The following NHSL1 variants were observed in gnomAD, a reference collection of about 807,000 sequenced individuals.
NHSL1 encodes the protein NHS-like protein 1.
Under a neutral mutation model 95.0 loss-of-function variants are expected in NHSL1, and 48 were observed. That is an observed-to-expected ratio of 0.51 (90% CI 0.40 to 0.64). The LOEUF is 0.64. Among genes scored for constraint, NHSL1 ranks in the 30% least tolerant of loss-of-function variants. The probability of loss-of-function intolerance (pLI) is 0.00; values close to 1 mark genes in which losing one functional copy is unlikely to be tolerated. For synonymous variants in NHSL1, 783 were observed against 833.9 expected (o/e 0.94, Z 1.05); for missense variants, 1,971 against 2,077.7 (o/e 0.95, Z 1.00).
rs768841323 is a variant in NHSL1, at chr6:138,660,210, T to C, written c.96+32266A>G. Among the ~76,000 whole-genome samples, 117 of 152,334 alleles carry C rather than the reference T, an allele frequency of 7.7e-4. 3 individuals carry two copies. Among genetic ancestry groups the C allele is most frequent in the Admixed American group, 8.5e-4 (13 of 15,306 alleles). ...TACGTAGTTCCTTTTCTCAGTAGCA[T>C]ACCCAGTATCAGCACTGCTTTTAAA... is the stretch of plus-strand genomic sequence containing the variant. On this transcript the variant is annotated intron_variant, in intron 1 of 3. Transcript: ENST00000491526.
intron 1 of NHSL1, among the ~76,000 whole-genome samples, chr6:138,588,126 C>A (rs1424849623): frequency 1.3e-5 from 2 of 152,238 alleles, no homozygotes; most frequent in African/African-American, 4.8e-5. Context: ...GCTTGGTCAT[C>A]AGCAAAGTTG....
At chr6:138,601,058 T>C (rs868608809) in intron 1 of NHSL1, among the ~76,000 whole-genome samples, 2 of 152,230 alleles carry the variant, frequency 1.3e-5, no homozygotes, top group South Asian at 4.1e-4. Flanking sequence ...CTTCATTTAC[T>C]TTTTAAGGTA....
chr6:138,641,528 C>G (rs1784958989), intron 1 of NHSL1, among the ~76,000 whole-genome samples: 1 of 148,598 alleles, frequency 6.7e-6, no homozygotes, highest in South Asian at 2.1e-4. Flanking sequence ...GAGGCTGATG[C>G]AGGAGAATCG....
At chr6:138,512,756 C>T (rs373221353) in intron 1 of NHSL1, among the ~76,000 whole-genome samples, 4 of 152,152 alleles carry the variant, frequency 2.6e-5, no homozygotes, top group Non-Finnish European at 5.9e-5. Context: ...GGGCAGACGA[C>T]CGCTTTCAGC....
At chr6:138,683,729 G>A (rs1161744234) in intron 1 of NHSL1, among the ~76,000 whole-genome samples, 1 of 152,210 alleles carries the variant, frequency 6.6e-6, no homozygotes. Flanking sequence ...GCCCTGGCCT[G>A]GTTCAAAGCC....
At chr6:138,500,833 C>T (rs546302652), upstream of NHSL1, among the ~76,000 whole-genome samples, 120 of 151,208 alleles carry the variant, frequency 7.9e-4, 2 homozygotes, top group Admixed American at 5.4e-3. Flanking sequence ...CACATAGAAA[C>T]GTTACCATCT....
At chr6:138,610,474 G>A (rs1784495287) in intron 1 of NHSL1, among the ~76,000 whole-genome samples, 2 of 151,070 alleles carry the variant, frequency 1.3e-5, no homozygotes, top group Admixed American at 6.6e-5. Context: ...CACCAACATG[G>A]CACATGTATA....
upstream of NHSL1, among the ~76,000 whole-genome samples, chr6:138,546,340 C>T (rs1782792715): frequency 1.3e-5 from 2 of 148,338 alleles, no homozygotes; most frequent in Admixed American, 1.4e-4. Context: ...CCTATAATCC[C>T]AGAACTTTGG....
chr6:138,461,507 G>A (rs1777994368), intron 3 of NHSL1, among the ~76,000 whole-genome samples: 1 of 150,518 alleles, frequency 6.6e-6, no homozygotes, highest in Non-Finnish European at 1.5e-5. Context: ...AGTATTCTTA[G>A]AAGAAAAGAA....
intron 1 of NHSL1, among the ~76,000 whole-genome samples, chr6:138,640,625 G>A (rs112328522): frequency 7.2e-5 from 11 of 152,152 alleles, no homozygotes; most frequent in African/African-American, 2.4e-4. Flanking sequence ...TTTCCTTACT[G>A]TAAGAATACA....
chr6:138,623,238 A>G (rs1784689965), intron 1 of NHSL1, among the ~76,000 whole-genome samples: 1 of 152,206 alleles, frequency 6.6e-6, no homozygotes. Flanking sequence ...CTGCACTGGC[A>G]TAGTAAAGTG....
intron 1 of NHSL1, among the ~76,000 whole-genome samples, chr6:138,559,745 A>C (rs1366214627): frequency 1.3e-5 from 2 of 152,254 alleles, no homozygotes; most frequent in Admixed American, 6.5e-5. Context: ...TTTGAGGGTC[A>C]TAAAATCAAG....
chr6:138,472,487 G>T (rs1778817340), intron 3 of NHSL1, among the ~76,000 whole-genome samples: 1 of 151,748 alleles, frequency 6.6e-6, no homozygotes, highest in Admixed American at 6.6e-5. Context: ...AATAAATTTT[G>T]AATAATGTTC....
chr6:138,587,503 CAAAAAAAAAA>C (rs35723995), intron 1 of NHSL1, among the ~76,000 whole-genome samples: 1 of 59,908 alleles, frequency 1.7e-5, no homozygotes, highest in African/African-American at 5.1e-5. Flanking sequence ...AAAACTCTGT[CAAAAAAAAAA>C]AAAAAAAAAA....
intron 1 of NHSL1, among the ~76,000 whole-genome samples, chr6:138,602,443 G>A (rs1029191894): frequency 2.0e-5 from 3 of 152,170 alleles, no homozygotes; most frequent in Non-Finnish European, 4.4e-5. Context: ...CCAGGTTCAA[G>A]TTATTCTCCT....
At chr6:138,591,588 T>TTTG (rs1294240446) in intron 1 of NHSL1, among the ~76,000 whole-genome samples, 2 of 152,048 alleles carry the variant, frequency 1.3e-5, no homozygotes, top group African/African-American at 4.8e-5. Context: ...GGCTGATTTT[T>TTTG]TTGTTGTTGT....
intron 3 of NHSL1, among the ~76,000 whole-genome samples, chr6:138,460,075 G>C (rs1777889308): frequency 6.6e-6 from 1 of 152,130 alleles, no homozygotes; most frequent in Admixed American, 6.5e-5. Context: ...TCATTAAAAA[G>C]AACCGCACTT....
At chr6:138,679,052 G>A (rs1264305193) in intron 1 of NHSL1, among the ~76,000 whole-genome samples, 2 of 152,124 alleles carry the variant, frequency 1.3e-5, no homozygotes, top group African/African-American at 4.8e-5. Context: ...CCAACATTTA[G>A]AATAAGAGGA....
chr6:138,547,538 G>T (rs1782848427), upstream of NHSL1, among the ~76,000 whole-genome samples: 1 of 152,156 alleles, frequency 6.6e-6, no homozygotes, highest in Admixed American at 6.5e-5. Context: ...CCGCCGCCAG[G>T]CCCGGCTAAT....
Sources: allele counts gnomAD v4.1 joint callset (sites outside exome capture counted in the v4.1 genomes callset), GRCh38; gene constraint gnomAD v4.1.1; transcripts MANE v1.5; gene names NCBI Gene and HGNC (gene_info 2026-07-23, HGNC 2026-07-21).